Variants in PLXNA2 observed in about 807,000 individuals in gnomAD.
PLXNA2 encodes the protein plexin-A2.
Under a neutral mutation model 193.5 loss-of-function variants are expected in PLXNA2, and 91 were observed. The observed-to-expected ratio is 0.47, with a 90% CI of 0.40 to 0.56. The LOEUF is 0.56. PLXNA2 is among the 20% of genes least tolerant of loss of function. The pLI, the probability that PLXNA2 is intolerant of heterozygous loss-of-function variation, is 0.00. For missense variants in PLXNA2, 1,995 were observed against 2,503.2 expected (o/e 0.80, Z 4.33); for synonymous variants, 997 against 1,027.3 (o/e 0.97, Z 0.56).
chr1:208,103,300 G>GGTGTGTGTCACACAGTC (rs1667157898), intron 4 of PLXNA2, 53 bp from the exon 5 acceptor site: 2 of 1,386,016 alleles, frequency 1.4e-6, no homozygotes, highest in Non-Finnish European at 2.0e-6. Context: ...ACGACTAGCA[G>GGTGTGTGTCACACAGTC]GTGTGTGTCA....
chr1:208,222,363 T>C (rs1447490692), intron 1 of PLXNA2, among the ~76,000 whole-genome samples: 1 of 152,214 alleles, frequency 6.6e-6, no homozygotes, highest in Non-Finnish European at 1.5e-5. Context: ...TTTCCCTCTC[T>C]CCTACTCCAA....
chr1:208,179,095 T>A (rs1273506388), intron 3 of PLXNA2, among the ~76,000 whole-genome samples: 1 of 151,898 alleles, frequency 6.6e-6, no homozygotes, highest in Non-Finnish European at 1.5e-5. Flanking sequence ...GAGTCTCTGG[T>A]GATGAGGACA....
At chr1:208,072,894 T>C (rs1666018858) in intron 12 of PLXNA2, among the ~76,000 whole-genome samples, 1 of 152,208 alleles carries the variant, frequency 6.6e-6, no homozygotes, top group African/African-American at 2.4e-5. Flanking sequence ...ATTCTGATCC[T>C]GCACGCAGAG....
At position 208,216,647 on chromosome 1, in the gene PLXNA2, G is replaced by T. The variant is rs552884365; in HGVS notation, c.1188+88C>A. The T allele has an allele frequency of 2.8e-6, 4 of 1,448,018 alleles. No individual in the cohort carries two copies. The African/African-American group carries it at 4.2e-5, about 15-fold the overall frequency. 89.7% of individuals were successfully genotyped at this position (1,448,018 alleles called of 1,614,324 possible). Reference sequence around the variant, plus strand: ...TCTTTCATTTCAGGTCCATGGTGGTGTGGGAGCAGATGTGCCCCAGGGCAT... The same window carrying T: ...TCTTTCATTTCAGGTCCATGGTGGTTTGGGAGCAGATGTGCCCCAGGGCAT... On this transcript the variant is annotated intron_variant, in intron 2 of 31. Transcript: ENST00000367033.
intron 1 of PLXNA2, among the ~76,000 whole-genome samples, chr1:208,219,949 A>T (rs1671269099): frequency 6.6e-6 from 1 of 152,252 alleles, no homozygotes; most frequent in East Asian, 1.9e-4. Flanking sequence ...TGAGGCCGGT[A>T]GCAGGACGTG....
rs563402733 is a variant in PLXNA2 at position 208,028,085 on chromosome 1, C to A, written c.5513G>T (p.Arg1838Leu). 4 of 1,613,510 alleles carry A rather than the reference C, an allele frequency of 2.5e-6. No individual in the cohort carries two copies. The South Asian group carries it at 3.3e-5, about 13-fold the overall frequency. ...CATGTTGAACTCCACGGCGTGCAGG[C>A]GGGACTGCTCGGCGAGGTAGGCATT... Reference protein sequence around the residue: ...DMNAYLAEQSRLHAVEFNMLS... With the variant: ...DMNAYLAEQSLLHAVEFNMLS... The change falls in exon 31 of 32, where the codon CGC becomes CTC. Residue 1838 changes from arginine (R) to leucine (L), a missense_variant. By Grantham distance (102) the Arg-to-Leu change is moderately radical (BLOSUM62 -2). Around this residue, in one of 3 missense-constraint regions of PLXNA2, gnomAD observed 1,291 missense variants for 1,673.6 expected, o/e 0.77. Coordinates refer to ENST00000367033, the MANE Select transcript of PLXNA2 (RefSeq NM_025179.4). The surrounding 1 kb of genome is among the most constrained non-coding windows in gnomAD (Gnocchi z 4.2).
At chr1:208,031,988 A>C in intron 28 of PLXNA2, 2 of 985,228 alleles carry the variant, frequency 2.0e-6, no homozygotes, top group Non-Finnish European at 2.4e-6. Context: ...ACCTGCAGCC[A>C]CATTCCACAT....
chr1:208,030,279 ACT>A lies in PLXNA2; in HGVS notation c.5226-1239_5226-1238del, dbSNP rs1230459019. The A allele has an allele frequency of 1.1e-5, 11 of 985,038 alleles. No individual in the cohort carries two copies. In the South Asian group the frequency reaches 1.9e-4, roughly 17 times the overall value. The allele number at this position is 985,038 out of a possible 1,614,324, so 61.0% of individuals were successfully genotyped here. A position where few individuals can be genotyped will look rare whatever the true frequency, so the allele number is the denominator to read the frequency against. On this transcript the variant is annotated intron_variant, in intron 29 of 31. Coordinates refer to ENST00000367033, the MANE Select transcript of PLXNA2 (RefSeq NM_025179.4). ...TTGCTATTGAGGTCTGGTTAAGGAA[ACT>A]CTCTCCACACCACGATGCCAGGGTA...
At chr1:208,129,338 C>G (rs529399942) in intron 4 of PLXNA2, among the ~76,000 whole-genome samples, 4 of 152,148 alleles carry the variant, frequency 2.6e-5, no homozygotes, top group Non-Finnish European at 5.9e-5. Flanking sequence ...TGCTGGTGAG[C>G]TTGCCACAGA....
intron 9 of PLXNA2, among the ~76,000 whole-genome samples, chr1:208,091,560 A>G (rs1666710319): frequency 6.6e-6 from 1 of 152,200 alleles, no homozygotes; most frequent in Non-Finnish European, 1.5e-5. Flanking sequence ...GTCTAGCGCA[A>G]GAGGAAGATG....
intron 4 of PLXNA2, among the ~76,000 whole-genome samples, chr1:208,141,972 G>T (rs1209047700): frequency 2.0e-5 from 3 of 152,220 alleles, no homozygotes; most frequent in Admixed American, 6.5e-5. Flanking sequence ...CAGAGGCCTG[G>T]ATTATTTACA....
chr1:208,229,379 G>C (rs997387425), intron 1 of PLXNA2, among the ~76,000 whole-genome samples: 1 of 152,132 alleles, frequency 6.6e-6, no homozygotes, highest in Non-Finnish European at 1.5e-5. Flanking sequence ...ATCCGTGCAG[G>C]GCTAGCATGA....
intron 5 of PLXNA2, among the ~76,000 whole-genome samples, chr1:208,102,844 G>C (rs1667139539): frequency 6.6e-6 from 1 of 152,184 alleles, no homozygotes; most frequent in Non-Finnish European, 1.5e-5. Flanking sequence ...GAAACCTAAA[G>C]ACTACAGTAT....
chr1:208,126,980 A>G (rs1445261950), intron 4 of PLXNA2, among the ~76,000 whole-genome samples: 1 of 152,248 alleles, frequency 6.6e-6, no homozygotes, highest in Non-Finnish European at 1.5e-5. Flanking sequence ...AAGAGGAAAA[A>G]GGAATTAATG....
At chr1:208,093,625 G>A (rs145677423) in intron 8 of PLXNA2, among the ~76,000 whole-genome samples, 1 of 152,250 alleles carries the variant, frequency 6.6e-6, no homozygotes, top group East Asian at 1.9e-4. Flanking sequence ...GTTAACAATT[G>A]GTTCATATCA....
At chr1:208,125,016 C>T (rs529657158) in intron 4 of PLXNA2, among the ~76,000 whole-genome samples, 5 of 152,278 alleles carry the variant, frequency 3.3e-5, no homozygotes, top group African/African-American at 7.2e-5. Flanking sequence ...CTAGTATCTC[C>T]GGTTTTCTCA....
rs545623645 is a variant in PLXNA2 at position 208,154,076 on chromosome 1, A to G, written c.1372-11613T>C. On this transcript the variant is annotated intron_variant, in intron 3 of 31. Coordinates refer to ENST00000367033, the MANE Select transcript of PLXNA2 (RefSeq NM_025179.4). ...ATTGTCTCGATCTGCTTGTTCTTCC[A>G]TGGACTCTCTTTGCTCCCTGCCATC... Among the ~76,000 whole-genome samples the G allele has an allele frequency of 1.1e-4, 16 of 152,154 alleles. No homozygotes were observed. The South Asian group carries it at 3.3e-3, about 32-fold the overall frequency.
intron 2 of PLXNA2, among the ~76,000 whole-genome samples, chr1:208,213,610 T>C (rs1245606977): frequency 6.6e-6 from 1 of 152,208 alleles, no homozygotes; most frequent in Non-Finnish European, 1.5e-5. Context: ...GGATCAGAGC[T>C]CAAATTTTTG....
Position 208,023,280 on chromosome 1 carries a change from C to G in PLXNA2, c.*3963G>C, listed in dbSNP as rs564772111. On this transcript the variant is annotated 3_prime_UTR_variant, in exon 32 of 32. Transcript: ENST00000367033. The stretch of plus-strand genomic sequence containing the variant: ...ACACAGCGTGGCTGGGAAAAAAAGA[C>G]GGCCTCTCCTGGAGCAGCTGCTGGA... The G allele has an allele frequency of 6.6e-6, 1 of 152,590 alleles. No individual in the cohort carries two copies. The highest frequency in any genetic ancestry group is 1.5e-5 in the Non-Finnish European group (1 of 68,050). The allele number at this position is 152,590 out of a possible 1,614,324, so 9.5% of individuals were successfully genotyped here.
Sources: gnomAD v4.1 joint callset for allele counts (sites outside exome capture counted in the v4.1 genomes callset) on GRCh38, gnomAD v4.1.1 for gene constraint, gnomAD v4.1.1 regional missense constraint, Gnocchi (gnomAD v3.1) non-coding constraint, MANE v1.5 for transcripts, NCBI Gene and HGNC (gene_info 2026-07-23, HGNC 2026-07-21) for gene names.